Variants in AIFM3 observed in about 807,000 individuals in gnomAD.
AIFM3 encodes apoptosis-inducing factor 3.
A neutral mutation model predicts 82.7 loss-of-function variants in AIFM3; 71 were observed. That is an observed-to-expected ratio of 0.86 (90% CI 0.71 to 1.05). The LOEUF is 1.05. AIFM3 is among the 50% of genes least tolerant of loss of function. The pLI is 0.00. For missense variants in AIFM3, 748 were observed against 816.7 expected (o/e 0.92, Z 1.03); for synonymous variants, 337 against 329.1 (o/e 1.02, Z -0.26).
intron 2 of AIFM3, among the ~76,000 whole-genome samples, chr22:20,970,205 T>C (rs1923183158): frequency 6.6e-6 from 1 of 152,248 alleles, no homozygotes. Flanking sequence ...ACTCCATCTA[T>C]TGAGCTTCTA....
chr22:20,979,747 A>G (rs1310300357), intron 18 of AIFM3, 45 bp downstream of exon 18: 27 of 1,607,680 alleles, frequency 1.7e-5, no homozygotes, highest in Non-Finnish European at 2.1e-5. Context: ...GCGGGAGCTC[A>G]GTCGGGAAGG....
chr22:20,974,967 G>A (rs749030654), intron 8 of AIFM3, 151 bp downstream of exon 8: 19 of 758,888 alleles, frequency 2.5e-5, no homozygotes, highest in Non-Finnish European at 3.4e-5. Flanking sequence ...ATCTAGATTT[G>A]TTGTTGTTGT....
In AIFM3 at chr22:20,967,318, T is replaced by G; in HGVS notation, c.-141+15T>G. The G allele has an allele frequency of 6.6e-6, 1 of 152,516 alleles. No homozygotes were observed. Among genetic ancestry groups the G allele is most frequent in the Non-Finnish European group, 1.5e-5 (1 of 68,380 alleles). 9.4% of individuals were successfully genotyped at this position (152,516 alleles called of 1,614,324 possible). On this transcript the variant is annotated intron_variant, in intron 1 of 20. Transcript: ENST00000440238. ...CCTGCGAGGAGGTGGGTGTCCGGAG[T>G]GCTAGCCAGGGTGGGGCTGGGCTAG...
At chr22:20,980,262 C>A in intron 19 of AIFM3, 138 bp downstream of exon 19, 1 of 724,404 alleles carries the variant, frequency 1.4e-6, no homozygotes, top group South Asian at 1.8e-5. Flanking sequence ...GCTTACAGGA[C>A]TACAGGGAGG....
rs781430613 is a variant in AIFM3 at position 20,973,536 on chromosome 22, G to A, written c.245+16G>A. On this transcript the variant is annotated intron_variant, in intron 3 of 20. Coordinates refer to ENST00000440238, the MANE Select transcript of AIFM3 (RefSeq NM_001386814.1). ...AGAATGGCCAGTGGGTTCTGGGCTT[G>A]CCTGGGAGCGGGGATCAGGGGTCCC... The A allele has an allele frequency of 4.4e-6, 7 of 1,603,974 alleles. No homozygotes were observed. The South Asian group carries it at 7.7e-5, about 18-fold the overall frequency.
intron 1 of AIFM3, among the ~76,000 whole-genome samples, chr22:20,967,558 G>A (rs1020507838): frequency 6.6e-6 from 1 of 152,142 alleles, no homozygotes; most frequent in African/African-American, 2.4e-5. Context: ...CAAGGCAGCC[G>A]CGGGGCTGGA....
At chr22:20,970,528 T>G (rs1158357016) in intron 2 of AIFM3, among the ~76,000 whole-genome samples, 1 of 152,202 alleles carries the variant, frequency 6.6e-6, no homozygotes, top group African/African-American at 2.4e-5. Context: ...TGGCTTGATC[T>G]TGGCTCACTG....
At chr22:20,980,676 G>GT in intron 19 of AIFM3, 71 bp from the exon 20 acceptor site, 1 of 1,605,442 alleles carries the variant, frequency 6.2e-7, no homozygotes, top group South Asian at 1.1e-5. Context: ...TGGAGGACCA[G>GT]AAGGGGACAT....
chr22:20,971,152 T>C (rs1352626742), intron 2 of AIFM3, among the ~76,000 whole-genome samples: 2 of 152,224 alleles, frequency 1.3e-5, no homozygotes, highest in African/African-American at 2.4e-5. Context: ...CTGGCCCCCC[T>C]GCCAGGCTAT....
intron 2 of AIFM3, among the ~76,000 whole-genome samples, chr22:20,971,743 C>T (rs181512655): frequency 2.0e-5 from 3 of 152,346 alleles, no homozygotes; most frequent in Admixed American, 2.0e-4. Flanking sequence ...GCTTAGTGTC[C>T]ATCACTCAGC....
chr22:20,980,726 C>T (rs779274287), intron 19 of AIFM3, 21 bp from the exon 20 acceptor site: 133 of 1,614,066 alleles, frequency 8.2e-5, no homozygotes, highest in Admixed American at 6.0e-4. Flanking sequence ...CTCTCCGTTT[C>T]TCTCTCTTGC....
At position 20,974,050 on chromosome 22, in the gene AIFM3, C is replaced by T. The variant is rs1298169289; in HGVS notation, c.356-13C>T. The T allele has an allele frequency of 6.3e-7, 1 of 1,596,904 alleles. No homozygotes were observed. The highest frequency in any genetic ancestry group is 1.7e-5 in the Admixed American group (1 of 57,590). ...CCTGCTGGTGGGCGCAGCCTAACAC[C>T]TCCCCTTCCCAGGCGTTCTGTCCCG... On this transcript the variant is annotated splice_polypyrimidine_tract_variant and intron_variant, in intron 4 of 20. Transcript: ENST00000440238.
intron 8 of AIFM3, 52 bp from the exon 9 acceptor site, chr22:20,975,640 C>T (rs1923591684): frequency 2.5e-6 from 4 of 1,584,674 alleles, no homozygotes; most frequent in Admixed American, 3.3e-5. Context: ...TCCCTGGGCC[C>T]CAGTGTCTTC....
chr22:20,966,818 T>A (rs896554388), upstream of AIFM3: 2 of 141,344 alleles, frequency 1.4e-5, no homozygotes, highest in African/African-American at 5.0e-5. Flanking sequence ...GGGGGCTTTC[T>A]GGGCCCCTGC....
At position 20,981,015 on chromosome 22, in the gene AIFM3, C is replaced by G. The variant is rs370473954; in HGVS notation, c.1802C>G (p.Thr601Arg). The stretch of plus-strand genomic sequence containing the variant: ...AGGACTGGCGACATGTCCTGGCTTA[C>G]GGGGAAAGGATCCTGAGCTCACATG... ...HSKTGDMSWLTGKGS is the reference protein window; with the variant it reads ...HSKTGDMSWLRGKGS The change falls in exon 21 of 21, where the codon ACG becomes AGG. Residue 601 changes from threonine (T) to arginine (R), a missense_variant. Physicochemically the swap from Thr to Arg is moderately conservative, Grantham distance 71. This residue lies in a region of AIFM3 where 183 missense variants were observed against 158.2 expected (regional missense o/e 1.16). Coordinates refer to ENST00000440238, the MANE Select transcript of AIFM3 (RefSeq NM_001386814.1). The G allele has an allele frequency of 1.9e-6, 3 of 1,614,166 alleles. No individual in the cohort carries two copies. The Admixed American group carries it at 5.0e-5, about 27-fold the overall frequency.
chr22:20,972,907 C>T (rs888233363), intron 2 of AIFM3, among the ~76,000 whole-genome samples: 4 of 151,950 alleles, frequency 2.6e-5, no homozygotes, highest in African/African-American at 4.8e-5. Flanking sequence ...ACACCTCTGG[C>T]GTGGTGGTAT....
In AIFM3 at chr22:20,973,509, C is replaced by G. The variant is rs183325820; in HGVS notation, c.234C>G (p.Leu78=). The G allele has an allele frequency of 5.6e-6, 9 of 1,611,582 alleles. No individual in the cohort carries two copies. In the South Asian group the frequency reaches 9.9e-5, roughly 18 times the overall value. The change falls in exon 3 of 21, where the codon CTC becomes CTG. Residue 78 remains leucine (L), a synonymous_variant. Transcript: ENST00000440238. ...VEAAVCHVKD[L]ENGQMREVEL... ...CTGCTGTCTGCCACGTCAAGGACCTCGAGAATGGCCAGTGGGTTCTGGGCT... is the reference window on the plus strand; with the variant it reads ...CTGCTGTCTGCCACGTCAAGGACCTGGAGAATGGCCAGTGGGTTCTGGGCT...
At chr22:20,967,660 G>T in intron 1 of AIFM3, 145 bp from the exon 2 acceptor site, 1 of 537,560 alleles carries the variant, frequency 1.9e-6, no homozygotes. Context: ...GACCTCCAGG[G>T]CCCCACGCTC....
At chr22:20,974,322 C>A (rs1403713363) in intron 6 of AIFM3, 26 bp downstream of exon 6, 1 of 1,611,408 alleles carries the variant, frequency 6.2e-7, no homozygotes, top group Non-Finnish European at 8.5e-7. Flanking sequence ...GGGGCTCAGG[C>A]AGAAGGGAGG....
Sources: allele counts gnomAD v4.1 joint callset (sites outside exome capture counted in the v4.1 genomes callset), GRCh38; gene constraint gnomAD v4.1.1; regional missense constraint gnomAD v4.1.1; transcripts MANE v1.5; gene names NCBI Gene and HGNC (gene_info 2026-07-23, HGNC 2026-07-21).